Variants in ITK observed in about 807,000 individuals in gnomAD.
ITK encodes tyrosine-protein kinase ITK/TSK.
Under a neutral mutation model 87.6 loss-of-function variants are expected in ITK, and 45 were observed. The observed-to-expected ratio is 0.51, with a 90% CI of 0.40 to 0.66. The LOEUF is 0.66. ITK is among the 30% of genes least tolerant of loss of function. The pLI is 0.00. For synonymous variants in ITK, 303 were observed against 273.6 expected (o/e 1.11, Z -1.06); for missense variants, 605 against 766.3 (o/e 0.79, Z 2.48).
chr5:157,217,989 C>T (rs1330591962), intron 5 of ITK, 82 bp downstream of exon 5: 4 of 1,227,684 alleles, frequency 3.3e-6, no homozygotes, highest in Non-Finnish European at 4.8e-6. Flanking sequence ...GTCCCCCTCT[C>T]CCCATAGTTT....
chr5:157,190,454 C>G (rs1389098615), intron 1 of ITK, among the ~76,000 whole-genome samples: 1 of 152,274 alleles, frequency 6.6e-6, no homozygotes. Flanking sequence ...ATGTGAGGAA[C>G]GCAGTGGTAA....
intron 1 of ITK, among the ~76,000 whole-genome samples, chr5:157,208,581 G>A (rs187749845): frequency 3.9e-5 from 6 of 152,222 alleles, no homozygotes; most frequent in Non-Finnish European, 5.9e-5. Flanking sequence ...ATTTCTCTAC[G>A]CATCTCAGCT....
intron 1 of ITK, among the ~76,000 whole-genome samples, chr5:157,188,823 T>A (rs751557599): frequency 1.3e-5 from 2 of 152,186 alleles, no homozygotes; most frequent in Non-Finnish European, 2.9e-5. Flanking sequence ...CATAGATACC[T>A]TAGTATCTGC....
intron 1 of ITK, among the ~76,000 whole-genome samples, chr5:157,183,669 C>T (rs542969300): frequency 1.3e-5 from 2 of 152,256 alleles, no homozygotes; most frequent in East Asian, 3.9e-4. Flanking sequence ...TGGATTCCTT[C>T]TATTCTGTGG....
chr5:157,198,654 G>T (rs1452852082), intron 1 of ITK, among the ~76,000 whole-genome samples: 4 of 152,184 alleles, frequency 2.6e-5, no homozygotes, highest in Non-Finnish European at 4.4e-5. Flanking sequence ...AGGTCTAGCT[G>T]AAGATGGGCT....
intron 10 of ITK, 91 bp downstream of exon 10, chr5:157,240,286 C>T: frequency 8.3e-7 from 1 of 1,207,036 alleles, no homozygotes; most frequent in Non-Finnish European, 1.2e-6. Flanking sequence ...TGCCTTCTGT[C>T]AGATCAGCGT....
intron 1 of ITK, among the ~76,000 whole-genome samples, chr5:157,203,186 C>T (rs1754010516): frequency 6.6e-6 from 1 of 152,222 alleles, no homozygotes; most frequent in South Asian, 2.1e-4. Flanking sequence ...TTTTGTCTGC[C>T]TTCCCAAGTA....
chr5:157,193,392 A>G (rs889007049), intron 1 of ITK, among the ~76,000 whole-genome samples: 3 of 152,220 alleles, frequency 2.0e-5, no homozygotes, highest in African/African-American at 7.2e-5. Context: ...GCATGACCCC[A>G]AGAACGCACC....
At chr5:157,248,796 T>G (rs750071558) in intron 15 of ITK, 54 bp from the exon 16 acceptor site, 29 of 1,609,182 alleles carry the variant, frequency 1.8e-5, no homozygotes, top group Non-Finnish European at 2.4e-5. Context: ...GGTTGGTTTG[T>G]TTGCTGTCTG....
chr5:157,252,514 C>G (rs571337486), intron 16 of ITK, 93 bp from the exon 17 acceptor site: 87 of 904,304 alleles, frequency 9.6e-5, no homozygotes, highest in Non-Finnish European at 1.3e-4. Context: ...CAAAAATCCA[C>G]AGGGGATGCT....
Position 157,248,956 on chromosome 5 carries a change from C to G in ITK, c.1740C>G (p.Pro580=). ...DISTGFRLYK[P]RLASTHVYQI... The stretch of plus-strand genomic sequence containing the variant: ...GTACCGGATTTCGGTTGTACAAGCC[C>G]CGGCTGGCCTCCACACACGTCTACC... The change falls in exon 16 of 17, where the codon CCC becomes CCG. Residue 580 remains proline (P), a synonymous_variant. Transcript: ENST00000422843. 1 of 1,613,914 alleles carries G rather than the reference C, an allele frequency of 6.2e-7. No individual in the cohort carries two copies. Among genetic ancestry groups the G allele is most frequent in the Non-Finnish European group, 8.5e-7 (1 of 1,179,832 alleles).
intron 8 of ITK, 53 bp from the exon 9 acceptor site, chr5:157,238,056 A>G (rs370800001): frequency 2.2e-6 from 3 of 1,384,114 alleles, no homozygotes; most frequent in Admixed American, 1.7e-5. Flanking sequence ...AGCTGGAGGC[A>G]TAAGCCTGGT....
intron 6 of ITK, among the ~76,000 whole-genome samples, chr5:157,226,397 A>C (rs1226226674): frequency 2.0e-5 from 3 of 152,234 alleles, no homozygotes; most frequent in Non-Finnish European, 2.9e-5. Context: ...TTGATGCATT[A>C]ATATAATTGT....
intron 5 of ITK, 175 bp from the exon 6 acceptor site, chr5:157,222,664 CAGAATTTACCTCATAGAATGAGCA>C (rs1754443336): frequency 1.6e-6 from 1 of 608,216 alleles, no homozygotes; most frequent in Non-Finnish European, 2.9e-6. Context: ...TCACTGTGGT[CAGAATTTACCTCATAGAATGAGCA>C]ATGTGATGAA....
chr5:157,206,830 A>G (rs1249674133), intron 1 of ITK, among the ~76,000 whole-genome samples: 4 of 152,028 alleles, frequency 2.6e-5, no homozygotes, highest in African/African-American at 9.7e-5. Context: ...TTTTCAAAAA[A>G]CCAACCCTTG....
intron 1 of ITK, among the ~76,000 whole-genome samples, chr5:157,189,641 A>G (rs913364319): frequency 6.6e-6 from 1 of 152,200 alleles, no homozygotes; most frequent in African/African-American, 2.4e-5. Flanking sequence ...AGATCGCACC[A>G]CTGCACTCCA....
At chr5:157,199,972 G>A (rs1753932783) in intron 1 of ITK, among the ~76,000 whole-genome samples, 1 of 152,122 alleles carries the variant, frequency 6.6e-6, no homozygotes, top group Admixed American at 6.5e-5. Flanking sequence ...CTGTTTCTGG[G>A]TTGGGGTTTT....
chr5:157,202,502 C>T (rs1172361433), intron 1 of ITK, among the ~76,000 whole-genome samples: 1 of 152,176 alleles, frequency 6.6e-6, no homozygotes, highest in East Asian at 1.9e-4. Context: ...TGTGAGCCAC[C>T]ACGCCTGGCC....
At chr5:157,210,173 C>G (rs1754160725) in intron 2 of ITK, among the ~76,000 whole-genome samples, 1 of 152,134 alleles carries the variant, frequency 6.6e-6, no homozygotes, top group East Asian at 1.9e-4. Flanking sequence ...ATCGACCCGC[C>G]TCGGCCTCCC....
Sources: gnomAD v4.1 joint callset for allele counts (sites outside exome capture counted in the v4.1 genomes callset) on GRCh38, gnomAD v4.1.1 for gene constraint, MANE v1.5 for transcripts, NCBI Gene and HGNC (gene_info 2026-07-23, HGNC 2026-07-21) for gene names.